Variants in UGT1A8 observed in about 807,000 individuals in gnomAD.
UGT1A8 encodes the protein UDP-glucuronosyltransferase 1A8.
UGT1A8 carries 39 observed loss-of-function variants against 45.3 expected under a neutral mutation model. The observed-to-expected ratio is 0.86, with a 90% CI of 0.67 to 1.12. UGT1A8 has a LOEUF of 1.12. UGT1A8 is among the 50% of genes most tolerant of loss of function. The probability of loss-of-function intolerance (pLI) is 0.00; values close to 1 mark genes in which losing one functional copy is unlikely to be tolerated. For missense variants in UGT1A8, 719 were observed against 664.9 expected (o/e 1.08, Z -0.90); for synonymous variants, 275 against 249.2 (o/e 1.10, Z -0.97).
intron 1 of UGT1A8, among the ~76,000 whole-genome samples, chr2:233,694,572 A>G (rs1254227548): frequency 6.6e-6 from 1 of 152,230 alleles, no homozygotes; most frequent in Non-Finnish European, 1.5e-5. Flanking sequence ...TTAAATTTCA[A>G]TGTAAATATT....
chr2:233,760,508 A>G (rs983416663), intron 1 of UGT1A8: 1 of 1,614,272 alleles, frequency 6.2e-7, no homozygotes, highest in Non-Finnish European at 8.5e-7. Flanking sequence ...GGAGCATTTT[A>G]CACCTTGAAG....
At position 233,685,535 on chromosome 2, in the gene UGT1A8, G is replaced by A. The variant is rs578097287; in HGVS notation, c.855+66973G>A. On this transcript the variant is annotated intron_variant, in intron 1 of 4. Transcript: ENST00000373450. ...GATCTATGCTTTCCCCATTGCTCTCGCATTCTGTTTTTGATCCAAATTCAA... is the reference window on the plus strand; with the variant it reads ...GATCTATGCTTTCCCCATTGCTCTCACATTCTGTTTTTGATCCAAATTCAA... Among the ~76,000 whole-genome samples the A allele has an allele frequency of 4.6e-5, 7 of 152,264 alleles. No individual in the cohort carries two copies. The East Asian group carries it at 1.2e-3, about 25-fold the overall frequency.
At chr2:233,620,390 G>A (rs17863763) in intron 1 of UGT1A8, among the ~76,000 whole-genome samples, 5,937 of 152,192 alleles carry the variant, frequency 0.039, 155 homozygotes, top group African/African-American at 0.064. Context: ...CCCTTTGGCC[G>A]AGTGTGAGGC....
chr2:233,694,920 G>A (rs557079279), intron 1 of UGT1A8, among the ~76,000 whole-genome samples: 1 of 152,304 alleles, frequency 6.6e-6, no homozygotes, highest in South Asian at 2.1e-4. Flanking sequence ...TACAATGTGC[G>A]ATGATCAAAT....
rs1697459307 is a variant in UGT1A8, at chr2:233,760,471, C to T, written c.856-6563C>T. The T allele has an allele frequency of 7.4e-6, 12 of 1,614,210 alleles. No individual in the cohort carries two copies. The highest frequency in any genetic ancestry group is 1.0e-5 in the Non-Finnish European group (12 of 1,180,040). ...GGGACATGAAATAGTTGTCCTAGCA[C>T]CTGACGCCTCGTTGTACATCAGAGA... On this transcript the variant is annotated intron_variant, in intron 1 of 4. Coordinates refer to ENST00000373450, the MANE Select transcript of UGT1A8 (RefSeq NM_019076.5).
chr2:233,623,065 G>A (rs1181241919), intron 1 of UGT1A8, among the ~76,000 whole-genome samples: 3 of 152,114 alleles, frequency 2.0e-5, no homozygotes, highest in Non-Finnish European at 2.9e-5. Flanking sequence ...TGAGACCTCT[G>A]TTCTGTTCCA....
rs1440398648 is a variant in UGT1A8, at chr2:233,690,488, G to A, written c.855+71926G>A. 5.4e-6 allele frequency: 7 copies of A among 1,289,470 alleles called. No homozygotes were observed. In the East Asian group the frequency reaches 1.7e-4, roughly 31 times the overall value. 79.9% of individuals were successfully genotyped at this position (1,289,470 alleles called of 1,614,324 possible). A position where few individuals can be genotyped will look rare whatever the true frequency, so the allele number is the denominator to read the frequency against. ...CCTCCATTTACTTTTTGGGAAATCT[G>A]CTCTTGCCAACAGAGATTTGTTTTA... On this transcript the variant is annotated intron_variant, in intron 1 of 4. Coordinates refer to ENST00000373450, the MANE Select transcript of UGT1A8 (RefSeq NM_019076.5).
intron 1 of UGT1A8, chr2:233,691,202 G>T: frequency 2.0e-6 from 2 of 985,608 alleles, no homozygotes; most frequent in Non-Finnish European, 2.4e-6. Flanking sequence ...CCTGAGCTCT[G>T]TTCCCTTTGC....
chr2:233,727,230 G>A (rs1426737314), intron 1 of UGT1A8, among the ~76,000 whole-genome samples: 1 of 152,174 alleles, frequency 6.6e-6, no homozygotes, highest in Non-Finnish European at 1.5e-5. Context: ...ATATGCGGAT[G>A]GCTCCAAGTC....
Position 233,637,227 on chromosome 2 carries a change from C to T in UGT1A8, c.855+18665C>T, listed in dbSNP as rs146476858. 250 of 1,613,950 alleles carry T rather than the reference C, an allele frequency of 1.5e-4. No individual in the cohort carries two copies. The Middle Eastern group carries it at 1.8e-3, about 12-fold the overall frequency. ...CCCTAGAAATAGCCTCTGAAATTCT[C>T]CAAACCCCTGTCACGGCATATGATC... On this transcript the variant is annotated intron_variant, in intron 1 of 4. Transcript: ENST00000373450.
At chr2:233,674,147 T>C (rs1212951482) in intron 1 of UGT1A8, among the ~76,000 whole-genome samples, 1 of 152,194 alleles carries the variant, frequency 6.6e-6, no homozygotes, top group African/African-American at 2.4e-5. Flanking sequence ...CAAGGTTCAG[T>C]AGACTTGGTA....
rs45619032 is a variant in UGT1A8, at chr2:233,765,042, C to T, written c.856-1992C>T. ...GGCAGGAGTCCTGCTGTGCAAATTG[C>T]GTTTGCTGAGCCCTGTCAGAGGTCT... On this transcript the variant is annotated intron_variant, in intron 1 of 4. Transcript: ENST00000373450. 6.1e-3 allele frequency among the ~76,000 whole-genome samples: 921 copies of T among 152,078 alleles called. 13 individuals carry two copies. Among genetic ancestry groups the T allele is most frequent in the African/African-American group, 0.021 (865 of 41,462 alleles).
intron 1 of UGT1A8, chr2:233,636,815 G>A: frequency 6.2e-7 from 1 of 1,614,180 alleles, no homozygotes; most frequent in East Asian, 2.2e-5. Flanking sequence ...CATGCTCAAT[G>A]GAAAGCACAG....
rs34028775 is a variant in UGT1A8 at position 233,762,751 on chromosome 2, A to AT, written c.856-4276dup. Among the ~76,000 whole-genome samples the AT allele has an allele frequency of 1.5e-3, 214 of 146,458 alleles. 1 individual carries two copies. Among genetic ancestry groups the AT allele is most frequent in the African/African-American group, 5.0e-3 (200 of 39,700 alleles). ...TTTTGGTCACTACTGTGAATGTGTT[A>AT]TTTTTTTGCATTTCTATCTCTAGCT... On this transcript the variant is annotated intron_variant, in intron 1 of 4. Coordinates refer to ENST00000373450, the MANE Select transcript of UGT1A8 (RefSeq NM_019076.5).
At position 233,725,275 on chromosome 2, in the gene UGT1A8, CAGAGGCAGAG is replaced by C. The variant is rs2077421204; in HGVS notation, c.856-41758_856-41749del. On this transcript the variant is annotated intron_variant, in intron 1 of 4. Coordinates refer to ENST00000373450, the MANE Select transcript of UGT1A8 (RefSeq NM_019076.5). ...GAGGCAGAGGCAGAGGAGGCAGAGG[CAGAGGCAGAG>C]GCAGAGGCAGAGGCAGAGGCAGAGG... 7.5e-5 allele frequency among the ~76,000 whole-genome samples: 2 copies of C among 26,790 alleles called. 1 individual carries two copies. Among genetic ancestry groups the C allele is most frequent in the Admixed American group, 6.8e-4 (2 of 2,920 alleles). The allele number at this position is 26,790 out of a possible 152,430, so 17.6% of individuals were successfully genotyped here.
At chr2:233,718,130 T>TCTA in intron 1 of UGT1A8, 1 of 281,256 alleles carries the variant, frequency 3.6e-6, no homozygotes, top group Non-Finnish European at 7.1e-6. Context: ...ATGGTGTAGA[T>TCTA]GGAGAATCCT....
intron 1 of UGT1A8, 114 bp from the exon 2 acceptor site, chr2:233,766,920 A>C (rs1699278586): frequency 8.4e-6 from 13 of 1,554,452 alleles, no homozygotes. Context: ...TATCTCAAAC[A>C]CGCATGCCTT....
chr2:233,724,355 C>T (rs1465005246), intron 1 of UGT1A8, among the ~76,000 whole-genome samples: 1 of 148,690 alleles, frequency 6.7e-6, no homozygotes, highest in Admixed American at 6.7e-5. Flanking sequence ...CCCCACCTCC[C>T]TCCCGGACGG....
intron 1 of UGT1A8, among the ~76,000 whole-genome samples, chr2:233,633,846 G>A (rs2073232964): frequency 6.6e-6 from 1 of 151,956 alleles, no homozygotes; most frequent in East Asian, 1.9e-4. Flanking sequence ...CTTGTCTTCT[G>A]CTAGCTTTTG....
Sources: gnomAD v4.1 joint callset for allele counts (sites outside exome capture counted in the v4.1 genomes callset) on GRCh38, gnomAD v4.1.1 for gene constraint, MANE v1.5 for transcripts, NCBI Gene and HGNC (gene_info 2026-07-23, HGNC 2026-07-21) for gene names.